The following KIRREL3 variants were observed in gnomAD, a reference collection of about 807,000 sequenced individuals.
The protein encoded by KIRREL3 is kirre like nephrin family adhesion molecule 3, also known as kin of IRRE-like protein 3.
Under a neutral mutation model 89.7 loss-of-function variants are expected in KIRREL3, and 36 were observed. The observed-to-expected ratio is 0.40, with a 90% CI of 0.31 to 0.53. The LOEUF (loss-of-function observed/expected upper bound fraction) is 0.53, where lower values mean the gene tolerates loss of function less well. Ranked by LOEUF, KIRREL3 falls within the 20% of genes least tolerant of loss-of-function variation. The pLI, the probability that KIRREL3 is intolerant of heterozygous loss-of-function variation, is 0.49. For missense variants in KIRREL3, 864 were observed against 1,056.6 expected, an observed-to-expected ratio of 0.82 and a Z score of 2.53; for synonymous variants, 445 against 441.4, an observed-to-expected ratio of 1.01 and a Z score of -0.10.
At chr11:126,799,991 A>T (rs1950980794) in intron 1 of KIRREL3, among the ~76,000 whole-genome samples, 1 of 152,186 alleles carries the variant, frequency 6.6e-6, no homozygotes, top group African/African-American at 2.4e-5. Flanking sequence ...TCCCTAGTTC[A>T]ATCAATCAGG....
In KIRREL3 at chr11:126,795,542, T is replaced by C. The variant is rs1950780935; in HGVS notation, c.55+204913A>G. 6.6e-6 allele frequency among the ~76,000 whole-genome samples: 1 copy of C among 151,930 alleles called. No homozygotes were observed. Reference sequence around the variant, plus strand: ...GTGCCACCACACCTGGCTAATTTTTTTAAAATATATTTTTAGTAGAGACGG... The same window carrying C: ...GTGCCACCACACCTGGCTAATTTTTCTAAAATATATTTTTAGTAGAGACGG... On this transcript the variant is annotated intron_variant, in intron 1 of 16. Transcript: ENST00000525144. The surrounding 1 kb of genome is among the most constrained non-coding windows in gnomAD (Gnocchi z 4.1).
chr11:126,676,806 A>G lies in KIRREL3; in HGVS notation c.56-113894T>C, dbSNP rs1946212030. On this transcript the variant is annotated intron_variant, in intron 1 of 16. Coordinates refer to ENST00000525144, the MANE Select transcript of KIRREL3 (RefSeq NM_032531.4). The surrounding 1 kb of genome is among the most constrained non-coding windows in gnomAD (Gnocchi z 4.5). ...CTGATTTTTTTTTTTTCCTTTTGAG[A>G]CAGAGTCTCCCTCTGCCATCTGGAC... 2.0e-5 allele frequency among the ~76,000 whole-genome samples: 3 copies of G among 150,802 alleles called. No individual in the cohort carries two copies. The South Asian group carries it at 6.3e-4, about 32-fold the overall frequency.
chr11:126,748,438 A>G lies in KIRREL3; in HGVS notation c.56-185526T>C, dbSNP rs1013677794. 1.3e-5 allele frequency among the ~76,000 whole-genome samples: 2 copies of G among 152,238 alleles called. No homozygotes were observed. The highest frequency in any genetic ancestry group is 2.9e-5 in the Non-Finnish European group (2 of 68,036). ...CAGGCCCCAAAAGGTTATTTCATCA[A>G]TAATTCTTGAGCTTGCCTACGGCGA... On this transcript the variant is annotated intron_variant, in intron 1 of 16. Transcript: ENST00000525144. The surrounding 1 kb of genome is among the most constrained non-coding windows in gnomAD (Gnocchi z 4.6).
At chr11:126,720,669 A>G (rs1948134381) in intron 1 of KIRREL3, among the ~76,000 whole-genome samples, 1 of 152,258 alleles carries the variant, frequency 6.6e-6, no homozygotes, top group Non-Finnish European at 1.5e-5. Context: ...GAGAGTTATA[A>G]TTATCATAGT....
chr11:126,915,426 C>G (rs1201519026), intron 1 of KIRREL3, among the ~76,000 whole-genome samples: 1 of 152,030 alleles, frequency 6.6e-6, no homozygotes, highest in Non-Finnish European at 1.5e-5. Context: ...CAATTCTAAA[C>G]ATTCGTCCTG....
At chr11:126,451,440 GTGTCC>G (rs1956153993) in intron 7 of KIRREL3, among the ~76,000 whole-genome samples, 31 of 150,756 alleles carry the variant, frequency 2.1e-4, no homozygotes, top group African/African-American at 6.2e-4. Context: ...GTGCATGTGT[GTGTCC>G]AAGTGCATGC....
intron 4 of KIRREL3, among the ~76,000 whole-genome samples, chr11:126,507,275 T>C (rs1181453104): frequency 2.0e-5 from 3 of 152,172 alleles, no homozygotes; most frequent in Admixed American, 6.5e-5. Context: ...GTGGGGGTGG[T>C]TGCACAACTC....
In KIRREL3 at chr11:126,594,934, A is replaced by C. The variant is rs1231668569; in HGVS notation, c.56-32022T>G. Among the ~76,000 whole-genome samples, 2 of 152,208 alleles carry C rather than the reference A, an allele frequency of 1.3e-5. No individual in the cohort carries two copies. The highest frequency in any genetic ancestry group is 4.8e-5 in the African/African-American group (2 of 41,466). ...GGAGGGGGAACAATGTCTCCTGGTG[A>C]AAGTCACTTTGCAGCTGCCCTGGGC... is the stretch of plus-strand genomic sequence containing the variant. On this transcript the variant is annotated intron_variant, in intron 1 of 16. Coordinates refer to ENST00000525144, the MANE Select transcript of KIRREL3 (RefSeq NM_032531.4). This position sits in a 1 kb window ranked among gnomAD's most constrained non-coding sequence, Gnocchi z 5.0.
Position 126,645,462 on chromosome 11 carries a change from A to G in KIRREL3, c.56-82550T>C, listed in dbSNP as rs1368708856. The stretch of plus-strand genomic sequence containing the variant: ...CCTCTCAGGCTACAGGGTACCCTGC[A>G]TTATGCAGACTGAGAGCTCTAGAAA... On this transcript the variant is annotated intron_variant, in intron 1 of 16. Coordinates refer to ENST00000525144, the MANE Select transcript of KIRREL3 (RefSeq NM_032531.4). The surrounding 1 kb of genome is among the most constrained non-coding windows in gnomAD (Gnocchi z 4.9). 3.9e-5 allele frequency among the ~76,000 whole-genome samples: 6 copies of G among 152,168 alleles called. No homozygotes were observed. The highest frequency in any genetic ancestry group is 3.2e-3 in the Middle Eastern group (1 of 316).
rs138881158 is a variant in KIRREL3 at position 126,924,657 on chromosome 11, A to C, written c.55+75798T>G. 6.6e-6 allele frequency among the ~76,000 whole-genome samples: 1 copy of C among 152,282 alleles called. No individual in the cohort carries two copies. The highest frequency in any genetic ancestry group is 1.9e-4 in the East Asian group (1 of 5,178). The stretch of plus-strand genomic sequence containing the variant: ...GATTTGGAAGAAGTGTTAAAGAAAA[A>C]GGAGCAGCTTTGCTCTATTAAAACC... On this transcript the variant is annotated intron_variant, in intron 1 of 16. Coordinates refer to ENST00000525144, the MANE Select transcript of KIRREL3 (RefSeq NM_032531.4). The surrounding 1 kb of genome is among the most constrained non-coding windows in gnomAD (Gnocchi z 4.7).
chr11:126,923,129 C>CTCTTCTTCTTCTTCTTCT (rs1187627189), intron 1 of KIRREL3, among the ~76,000 whole-genome samples: 303 of 25,748 alleles, frequency 0.012, 66 homozygotes, highest in Admixed American at 0.017. Flanking sequence ...TCTCCTTCTT[C>CTCTTCTTCTTCTTCTTCT]TCTTCTTCTT....
chr11:126,619,255 CA>C (rs906961830), intron 1 of KIRREL3, among the ~76,000 whole-genome samples: 1 of 152,102 alleles, frequency 6.6e-6, no homozygotes, highest in Non-Finnish European at 1.5e-5. Context: ...CAGGAGATGC[CA>C]AAGCTTTGAG....
intron 1 of KIRREL3, among the ~76,000 whole-genome samples, chr11:126,717,791 T>C (rs1948024122): frequency 6.6e-6 from 1 of 152,244 alleles, no homozygotes; most frequent in Admixed American, 6.5e-5. Flanking sequence ...CTTAATGGCA[T>C]GCTGTAATGC....
At position 126,683,782 on chromosome 11, in the gene KIRREL3, C is replaced by G. The variant is rs1591954450; in HGVS notation, c.56-120870G>C. Among the ~76,000 whole-genome samples the G allele has an allele frequency of 1.3e-5, 2 of 152,318 alleles. No homozygotes were observed. The highest frequency in any genetic ancestry group is 3.9e-4 in the East Asian group (2 of 5,172). On this transcript the variant is annotated intron_variant, in intron 1 of 16. Transcript: ENST00000525144. This position sits in a 1 kb window ranked among gnomAD's most constrained non-coding sequence, Gnocchi z 5.2. ...AGGCTGCATTCAGCAGGCCTGGCAG[C>G]CTCCTCTCTCTTGGGATGCAAACTG...
chr11:126,834,712 G>A (rs574661172), intron 1 of KIRREL3, among the ~76,000 whole-genome samples: 32 of 152,312 alleles, frequency 2.1e-4, no homozygotes, highest in African/African-American at 7.0e-4. Context: ...CTTCCTCACC[G>A]GCGCACCTCA....
chr11:126,792,088 C>A (rs1161868043), intron 1 of KIRREL3, among the ~76,000 whole-genome samples: 1 of 152,102 alleles, frequency 6.6e-6, no homozygotes, highest in Non-Finnish European at 1.5e-5. Context: ...ATCGAGCCAG[C>A]AGAATGTTAA....
chr11:126,961,180 T>G (rs1040599719), intron 1 of KIRREL3, among the ~76,000 whole-genome samples: 2 of 152,188 alleles, frequency 1.3e-5, no homozygotes, highest in African/African-American at 2.4e-5. Context: ...TTCTAAGTGT[T>G]CAAGTGAAAG....
In KIRREL3 at chr11:126,516,468, G is replaced by A. The variant is rs145450774; in HGVS notation, c.433+4847C>T. On this transcript the variant is annotated intron_variant, in intron 4 of 16. Transcript: ENST00000525144. The surrounding 1 kb of genome is among the most constrained non-coding windows in gnomAD (Gnocchi z 4.9). The stretch of plus-strand genomic sequence containing the variant: ...AGCAATGCAATTTATGGTTTAATCC[G>A]TGCATCACTTATCGACCGCCTTCTC... Among the ~76,000 whole-genome samples, 2,010 of 152,182 alleles carry A rather than the reference G, an allele frequency of 0.013. 18 individuals are homozygous for A. The highest frequency in any genetic ancestry group is 0.021 in the Non-Finnish European group (1,431 of 68,018).
chr11:126,791,705 G>A lies in KIRREL3; in HGVS notation c.55+208750C>T, dbSNP rs1177338001. ...GGCCAGGCCAGGTGTGAATGAGTCT[G>A]AGCCCAGTGAAAGAGGGAGAGGGAA... On this transcript the variant is annotated intron_variant, in intron 1 of 16. Coordinates refer to ENST00000525144, the MANE Select transcript of KIRREL3 (RefSeq NM_032531.4). The surrounding 1 kb of genome is among the most constrained non-coding windows in gnomAD (Gnocchi z 4.8). Among the ~76,000 whole-genome samples the A allele has an allele frequency of 6.6e-6, 1 of 152,202 alleles. No homozygotes were observed. Among genetic ancestry groups the A allele is most frequent in the Non-Finnish European group, 1.5e-5 (1 of 68,030 alleles).
Sources: gnomAD v4.1 joint callset for allele counts (sites outside exome capture counted in the v4.1 genomes callset) on GRCh38, gnomAD v4.1.1 for gene constraint, Gnocchi (gnomAD v3.1) non-coding constraint, MANE v1.5 for transcripts, NCBI Gene and HGNC (gene_info 2026-07-23, HGNC 2026-07-21) for gene names.